The following TUSC3 variants were observed in gnomAD, a reference collection of about 807,000 sequenced individuals.
TUSC3 encodes the protein dolichyl-diphosphooligosaccharide--protein glycosyltransferase subunit TUSC3.
TUSC3 carries 45 observed loss-of-function variants against 44.8 expected under a neutral mutation model. That is an observed-to-expected ratio of 1.00 (90% CI 0.79 to 1.29). TUSC3 has a LOEUF of 1.29. TUSC3 is among the 50% of genes most tolerant of loss of function. TUSC3 has a pLI of 0.00. For synonymous variants in TUSC3, 212 were observed against 152.9 expected, an observed-to-expected ratio of 1.39 and a Z score of -2.85; for missense variants, 519 against 437.9, an observed-to-expected ratio of 1.19 and a Z score of -1.65.
chr8:15,519,317 T>C (rs182615661), intron 2 of TUSC3, among the ~76,000 whole-genome samples: 8 of 152,322 alleles, frequency 5.3e-5, no homozygotes, highest in Non-Finnish European at 8.8e-5. Context: ...CCCAGAAGTA[T>C]ATTTCATATA....
chr8:15,433,345 T>A (rs1359417815), intron 1 of TUSC3, among the ~76,000 whole-genome samples: 1 of 152,212 alleles, frequency 6.6e-6, no homozygotes, highest in Non-Finnish European at 1.5e-5. Flanking sequence ...AATATGTCTC[T>A]TAATTTTTTA....
rs28378376 is a variant in TUSC3 at position 15,540,736 on chromosome 8, G to A, written c.138+168G>A. Among the ~76,000 whole-genome samples the A allele has an allele frequency of 0.2, 30,665 of 151,994 alleles. 3,090 individuals carry two copies. Among genetic ancestry groups the A allele is most frequent in the South Asian group, 0.26 (1,266 of 4,820 alleles). ...GGAGGCCCTGGGGCGTTTCCGGGAC[G>A]TGGAGTTAGCAGGGTTCTGACTTGA... On this transcript the variant is annotated intron_variant, in intron 1 of 10. Transcript: ENST00000503731.
chr8:15,732,622 A>G (rs1810770967), intron 7 of TUSC3, among the ~76,000 whole-genome samples: 1 of 152,162 alleles, frequency 6.6e-6, no homozygotes, highest in Non-Finnish European at 1.5e-5. Context: ...TGAAATGTAA[A>G]CATTGAAATG....
At chr8:15,444,754 C>T (rs1800069452) in intron 1 of TUSC3, among the ~76,000 whole-genome samples, 1 of 135,934 alleles carries the variant, frequency 7.4e-6, no homozygotes, top group Non-Finnish European at 1.7e-5. Flanking sequence ...TGTAGCATTT[C>T]TTATATGTAT....
chr8:15,586,616 A>G (rs1170108498), intron 1 of TUSC3, among the ~76,000 whole-genome samples: 1 of 152,160 alleles, frequency 6.6e-6, no homozygotes, highest in Non-Finnish European at 1.5e-5. Context: ...AATGCAAATC[A>G]TTTGGAGTGA....
At chr8:15,852,086 T>A in the TUSC3 span, among the ~76,000 whole-genome samples, 2 of 152,158 alleles carry the variant, frequency 1.3e-5, no homozygotes, top group Admixed American at 6.5e-5. Flanking sequence ...TTTTTCGTTA[T>A]AAATTACACA....
intron 1 of TUSC3, among the ~76,000 whole-genome samples, chr8:15,613,581 G>A (rs968156889): frequency 2.0e-5 from 3 of 151,968 alleles, no homozygotes; most frequent in South Asian, 2.1e-4. Flanking sequence ...GCTGTTCTTC[G>A]TCTTCTGCCA....
intron 8 of TUSC3, among the ~76,000 whole-genome samples, chr8:15,744,271 A>C (rs1320347119): frequency 6.6e-6 from 1 of 152,178 alleles, no homozygotes; most frequent in African/African-American, 2.4e-5. Flanking sequence ...AACATATATG[A>C]GGTTTTTGAG....
chr8:15,696,528 C>T (rs947858643), intron 6 of TUSC3, among the ~76,000 whole-genome samples: 1 of 152,128 alleles, frequency 6.6e-6, no homozygotes, highest in Non-Finnish European at 1.5e-5. Flanking sequence ...TGGGACACCG[C>T]CTCGTAGAGA....
the TUSC3 span, among the ~76,000 whole-genome samples, chr8:15,802,292 T>G: frequency 9.2e-5 from 14 of 152,220 alleles, no homozygotes; most frequent in African/African-American, 2.9e-4. Context: ...GCCTTCTTTC[T>G]TGTCAAAACA....
At chr8:15,780,040 C>G in the TUSC3 span, among the ~76,000 whole-genome samples, 2 of 152,158 alleles carry the variant, frequency 1.3e-5, no homozygotes, top group African/African-American at 4.8e-5. Context: ...TTACACCAAA[C>G]TAGCAATGTG....
rs368330858 is a variant in TUSC3 at position 15,450,744 on chromosome 8, G to T, written n.92-32642G>T. Among the ~76,000 whole-genome samples, 8 of 152,254 alleles carry T rather than the reference G, an allele frequency of 5.3e-5. No homozygotes were observed. In the East Asian group the frequency reaches 9.6e-4, roughly 18 times the overall value. ...TGGAGAAAGCCTTAGTAACACAGAAGTTCTACTAATCAGAGATCTGAATTG... is the reference window on the plus strand; with the variant it reads ...TGGAGAAAGCCTTAGTAACACAGAATTTCTACTAATCAGAGATCTGAATTG... On this transcript the variant is annotated intron_variant and non_coding_transcript_variant, in intron 1 of 5. Transcript: ENST00000503191.
intron 2 of TUSC3, among the ~76,000 whole-genome samples, chr8:15,626,893 C>T (rs967490272): frequency 6.6e-6 from 1 of 152,190 alleles, no homozygotes; most frequent in Non-Finnish European, 1.5e-5. Flanking sequence ...AACCTGGGCA[C>T]CATGAATGGC....
At chr8:15,480,454 A>G (rs1046484781) in intron 1 of TUSC3, among the ~76,000 whole-genome samples, 3 of 152,240 alleles carry the variant, frequency 2.0e-5, no homozygotes, top group African/African-American at 7.2e-5. Context: ...ACAGATATGT[A>G]CTTTCTCACA....
chr8:15,545,053 C>T (rs1801817193), intron 1 of TUSC3, among the ~76,000 whole-genome samples: 1 of 151,698 alleles, frequency 6.6e-6, no homozygotes, highest in African/African-American at 2.4e-5. Context: ...CACATGTATA[C>T]ATAATACCTA....
chr8:15,806,287 A>G, the TUSC3 span: 1 of 659,626 alleles, frequency 1.5e-6, no homozygotes, highest in Admixed American at 2.0e-5. Flanking sequence ...TCATTGGCTA[A>G]TGTGTACACC....
chr8:15,752,473 T>TTCTC (rs1585304483), intron 9 of TUSC3, among the ~76,000 whole-genome samples: 1 of 152,142 alleles, frequency 6.6e-6, no homozygotes, highest in Non-Finnish European at 1.5e-5. Context: ...TTTATGACAG[T>TTCTC]TCTCTAATTC....
chr8:15,807,358 A>C, the TUSC3 span: 1 of 370,866 alleles, frequency 2.7e-6, no homozygotes, highest in Non-Finnish European at 5.0e-6. Context: ...CAACCACAAC[A>C]ACAACAACAA....
At chr8:15,804,049 C>A in the TUSC3 span, among the ~76,000 whole-genome samples, 1 of 152,068 alleles carries the variant, frequency 6.6e-6, no homozygotes, top group Non-Finnish European at 1.5e-5. Context: ...ATTTATAATC[C>A]TTTGGGTATA....
Sources: gnomAD v4.1 joint callset for allele counts (sites outside exome capture counted in the v4.1 genomes callset) on GRCh38, gnomAD v4.1.1 for gene constraint, MANE v1.5 for transcripts, NCBI Gene and HGNC (gene_info 2026-07-23, HGNC 2026-07-21) for gene names.